GLYR1: variants seen among roughly 807,000 people sequenced by gnomAD.
GLYR1 encodes glyoxylate reductase 1 homolog, also known as cytokine-like nuclear factor N-PAC.
Under a neutral mutation model 72.7 loss-of-function variants are expected in GLYR1, and 21 were observed. The ratio of observed to expected loss-of-function variants is 0.29; its 90% confidence interval spans 0.20 to 0.42. GLYR1 has a LOEUF of 0.42. Among genes scored for constraint, GLYR1 ranks in the 10% least tolerant of loss-of-function variants. The probability of loss-of-function intolerance (pLI) is 1.00; values close to 1 mark genes in which losing one functional copy is unlikely to be tolerated. For missense variants in GLYR1, 594 were observed against 712.1 expected (o/e 0.83, Z 1.89); for synonymous variants, 392 against 270.2 (o/e 1.45, Z -4.42).
intron 15 of GLYR1, among the ~76,000 whole-genome samples, chr16:4,809,092 T>C (rs898709849): frequency 1.3e-5 from 2 of 150,840 alleles, no homozygotes; most frequent in Admixed American, 6.6e-5. Context: ...ATACTGTCTA[T>C]CAAAGCCATA....
At chr16:4,838,096 C>T (rs1276773129) in intron 3 of GLYR1, among the ~76,000 whole-genome samples, 2 of 151,896 alleles carry the variant, frequency 1.3e-5, no homozygotes, top group African/African-American at 2.4e-5. Context: ...TAAAAAAAAT[C>T]CATCCAAAGG....
intron 3 of GLYR1, among the ~76,000 whole-genome samples, chr16:4,844,251 G>A (rs1316040387): frequency 6.6e-6 from 1 of 152,070 alleles, no homozygotes; most frequent in African/African-American, 2.4e-5. Flanking sequence ...ACTGTAACAT[G>A]TTATATGGTC....
At chr16:4,845,228 A>C in intron 2 of GLYR1, 75 bp from the exon 3 acceptor site, 2 of 954,956 alleles carry the variant, frequency 2.1e-6, no homozygotes, top group Non-Finnish European at 1.7e-6. Context: ...ACATTGCTCT[A>C]CAGTTCTACG....
chr16:4,813,700 A>G, intron 12 of GLYR1, 37 bp downstream of exon 12: 1 of 1,530,290 alleles, frequency 6.5e-7, no homozygotes, highest in South Asian at 1.2e-5. Flanking sequence ...CTCTGATAGA[A>G]AAGATGCTGG....
intron 15 of GLYR1, among the ~76,000 whole-genome samples, chr16:4,806,228 C>A (rs1163534762): frequency 6.6e-6 from 1 of 152,094 alleles, no homozygotes; most frequent in Non-Finnish European, 1.5e-5. Context: ...AGCCCCCCCA[C>A]ACAGAATGGC....
intron 3 of GLYR1, among the ~76,000 whole-genome samples, chr16:4,836,514 G>C (rs2085141446): frequency 1.3e-5 from 2 of 152,168 alleles, no homozygotes; most frequent in Admixed American, 1.3e-4. Context: ...ATGTACAGTA[G>C]AATGAATGAC....
chr16:4,804,674 G>A lies in GLYR1; in HGVS notation c.*562C>T, dbSNP rs1337587420. The A allele has an allele frequency of 6.3e-6, 1 of 158,586 alleles. No homozygotes were observed. Among genetic ancestry groups the A allele is most frequent in the Non-Finnish European group, 1.4e-5 (1 of 71,406 alleles). 9.8% of individuals were successfully genotyped at this position (158,586 alleles called of 1,614,324 possible). A position where few individuals can be genotyped will look rare whatever the true frequency, so the allele number is the denominator to read the frequency against. ...GAACATCTTTCTCAGCTCATCACCT[G>A]AGGTTGGAGGGCCCCAAGGGCCCCT... On this transcript the variant is annotated 3_prime_UTR_variant, in exon 16 of 16. Coordinates refer to ENST00000321919, the MANE Select transcript of GLYR1 (RefSeq NM_032569.4).
At chr16:4,829,803 G>C (rs1229482632) in intron 5 of GLYR1, among the ~76,000 whole-genome samples, 1 of 152,140 alleles carries the variant, frequency 6.6e-6, no homozygotes, top group African/African-American at 2.4e-5. Context: ...CTCCCGAGTA[G>C]TTGGAATTAC....
At chr16:4,838,707 C>T (rs1395248863) in intron 3 of GLYR1, among the ~76,000 whole-genome samples, 1 of 152,042 alleles carries the variant, frequency 6.6e-6, no homozygotes, top group African/African-American at 2.4e-5. Flanking sequence ...CTGCCTCAGC[C>T]ACCCGAGTAG....
intron 14 of GLYR1, 114 bp downstream of exon 14, chr16:4,811,509 C>T: frequency 7.2e-7 from 1 of 1,382,930 alleles, no homozygotes. Context: ...CCTCCTCTGG[C>T]CAGGGTCAGG....
chr16:4,817,542 T>G, intron 10 of GLYR1, 56 bp downstream of exon 10: 1 of 1,061,688 alleles, frequency 9.4e-7, no homozygotes, highest in Admixed American at 1.7e-5. Context: ...AGATGTCCAC[T>G]CTTAGGGTTA....
rs983984270 is a variant in GLYR1, at chr16:4,803,654, G to A, written c.*1582C>T. ...AAATGCTTCAAAATCCCAGTGAAATGAACTGTGCTAAAAACCCGACAGGCA... is the reference window on the plus strand; with the variant it reads ...AAATGCTTCAAAATCCCAGTGAAATAAACTGTGCTAAAAACCCGACAGGCA... On this transcript the variant is annotated 3_prime_UTR_variant, in exon 16 of 16. Transcript: ENST00000321919. 1 of 148,908 alleles carries A rather than the reference G, an allele frequency of 6.7e-6. No individual in the cohort carries two copies. Among genetic ancestry groups the A allele is most frequent in the African/African-American group, 2.5e-5 (1 of 40,296 alleles). 9.2% of individuals were successfully genotyped at this position (148,908 alleles called of 1,614,324 possible). A position where few individuals can be genotyped will look rare whatever the true frequency, so the allele number is the denominator to read the frequency against.
intron 14 of GLYR1, 97 bp downstream of exon 14, chr16:4,811,526 C>T (rs2083321804): frequency 2.1e-6 from 3 of 1,460,100 alleles, no homozygotes; most frequent in Admixed American, 1.8e-5. Context: ...CAGGGACTGA[C>T]TGGGGAGGGG....
chr16:4,832,158 G>A lies in GLYR1; in HGVS notation c.358C>T (p.Pro120Ser). The change falls in exon 5 of 16, where the codon CCA becomes TCA. Residue 120 changes from proline (P) to serine (S), a missense_variant. Pro to Ser is a moderately conservative substitution (Grantham distance 74, BLOSUM62 -1). This residue lies in a region of GLYR1 where 252 missense variants were observed against 211.3 expected (regional missense o/e 1.19). Coordinates refer to ENST00000321919, the MANE Select transcript of GLYR1 (RefSeq NM_032569.4). ...TTGCGCTTCTCATCACCTGAGTTTG[G>A]CCTACTTCTCTCCTCACTGGAATTA... ...RRNSSEERSR[P>S]NSGDEKRKLS... The A allele has an allele frequency of 6.2e-7, 1 of 1,614,018 alleles. No homozygotes were observed. Among genetic ancestry groups the A allele is most frequent in the Non-Finnish European group, 8.5e-7 (1 of 1,180,004 alleles).
rs183473378 is a variant in GLYR1 at position 4,807,761 on chromosome 16, T to C, written c.1588-2451A>G. Among the ~76,000 whole-genome samples, 191 of 152,248 alleles carry C rather than the reference T, an allele frequency of 1.3e-3. 1 individual carries two copies. The highest frequency in any genetic ancestry group is 4.4e-3 in the African/African-American group (182 of 41,562). On this transcript the variant is annotated intron_variant, in intron 15 of 15. Transcript: ENST00000321919. ...CAAGCCACATGAAACCCTTGGGAAA[T>C]AACTATAGTCAGAAATGAGCTTTCA...
intron 3 of GLYR1, among the ~76,000 whole-genome samples, chr16:4,834,295 C>CCTTT (rs2084984732): frequency 8.4e-6 from 1 of 118,348 alleles, no homozygotes; most frequent in African/African-American, 3.5e-5. Flanking sequence ...AGGCAAATTC[C>CCTTT]TTTTTTTTTT....
chr16:4,809,224 C>T (rs1397359054), intron 15 of GLYR1, among the ~76,000 whole-genome samples: 1 of 105,768 alleles, frequency 9.5e-6, no homozygotes, highest in Non-Finnish European at 2.1e-5. Flanking sequence ...GAGTCTCACT[C>T]TGTTGCCCAG....
Position 4,811,233 on chromosome 16 carries a change from G to C in GLYR1, c.1524C>G (p.Arg508=). 1 of 1,614,202 alleles carries C rather than the reference G, an allele frequency of 6.2e-7. No homozygotes were observed. Among genetic ancestry groups the C allele is most frequent in the South Asian group, 1.1e-5 (1 of 91,080 alleles). ...FYLKYIQKDL[R]LAIALGDAVN... The stretch of plus-strand genomic sequence containing the variant: ...CCGCATCACCCAGCGCAATGGCTAA[G>C]CGGAGATCCTTCTGAATGTATTTCA... The change falls in exon 15 of 16, where the codon CGC becomes CGG. Residue 508 remains arginine, a synonymous_variant. Coordinates refer to ENST00000321919, the MANE Select transcript of GLYR1 (RefSeq NM_032569.4).
intron 7 of GLYR1, among the ~76,000 whole-genome samples, chr16:4,822,407 T>A (rs938457981): frequency 2.7e-5 from 4 of 150,208 alleles, no homozygotes; most frequent in Non-Finnish European, 5.9e-5. Flanking sequence ...TTTATCTTTT[T>A]TGAGACAGAG....
Sources: gnomAD v4.1 joint callset for allele counts (sites outside exome capture counted in the v4.1 genomes callset) on GRCh38, gnomAD v4.1.1 for gene constraint, gnomAD v4.1.1 regional missense constraint, MANE v1.5 for transcripts, NCBI Gene and HGNC (gene_info 2026-07-23, HGNC 2026-07-21) for gene names.